LOX: variants seen among roughly 807,000 people sequenced by gnomAD.
LOX encodes the protein lysyl oxidase.
Under a neutral mutation model 50.5 loss-of-function variants are expected in LOX, and 12 were observed. That is an observed-to-expected ratio of 0.24 (90% CI 0.15 to 0.38). LOX has a LOEUF of 0.38. Ranked by LOEUF, LOX falls within the 10% of genes least tolerant of loss-of-function variation. The pLI, the probability that LOX is intolerant of heterozygous loss-of-function variation, is 1.00. For synonymous variants in LOX, 254 were observed against 230.6 expected (o/e 1.10, Z -0.92); for missense variants, 504 against 563.8 (o/e 0.89, Z 1.07).
intron 6 of LOX, 59 bp from the exon 7 acceptor site, chr5:122,066,808 C>T: frequency 9.5e-7 from 1 of 1,053,864 alleles, no homozygotes; most frequent in Non-Finnish European, 1.5e-6. Flanking sequence ...TGAATGAGTA[C>T]AACAGACAAA....
At position 122,070,489 on chromosome 5, in the gene LOX, T is replaced by C; in HGVS notation, c.1131+5A>G. ...AATATATGATATATTTTCAAAGGTC[T>C]TTACCTTTAGGATATAGTTTCCAGG... On this transcript the variant is annotated splice_donor_5th_base_variant and intron_variant, in intron 5 of 6. Coordinates refer to ENST00000231004, the MANE Select transcript of LOX (RefSeq NM_002317.7). The C allele has an allele frequency of 6.6e-7, 1 of 1,521,300 alleles. No individual in the cohort carries two copies. Among genetic ancestry groups the C allele is most frequent in the South Asian group, 1.1e-5 (1 of 87,236 alleles). 94.2% of individuals were successfully genotyped at this position (1,521,300 alleles called of 1,614,324 possible). A position where few individuals can be genotyped will look rare whatever the true frequency, so the allele number is the denominator to read the frequency against.
At chr5:122,066,801 A>G in intron 6 of LOX, 52 bp from the exon 7 acceptor site, 2 of 1,145,436 alleles carry the variant, frequency 1.7e-6, no homozygotes, top group Non-Finnish European at 2.6e-6. Flanking sequence ...AATATAATGA[A>G]TGAGTACAAC....
Position 122,063,904 on chromosome 5 carries a change from A to G in LOX, c.*2839T>C, listed in dbSNP as rs1057156395. On this transcript the variant is annotated 3_prime_UTR_variant, in exon 7 of 7. Coordinates refer to ENST00000231004, the MANE Select transcript of LOX (RefSeq NM_002317.7). ...TACTACAAATAATGCCTAGTGAGTA[A>G]TTGGATGATAGAAATTGTAAATAAA... 4 of 151,972 alleles carry G rather than the reference A, an allele frequency of 2.6e-5. No homozygotes were observed. Among genetic ancestry groups the G allele is most frequent in the Non-Finnish European group, 4.4e-5 (3 of 67,906 alleles). 9.4% of individuals were successfully genotyped at this position (151,972 alleles called of 1,614,324 possible). A position where few individuals can be genotyped will look rare whatever the true frequency, so the allele number is the denominator to read the frequency against.
At chr5:122,069,043 G>C (rs922907250) in intron 6 of LOX, among the ~76,000 whole-genome samples, 5 of 152,078 alleles carry the variant, frequency 3.3e-5, no homozygotes, top group African/African-American at 1.2e-4. Context: ...ATGTGACTCT[G>C]TTTTTTCAGT....
At position 122,077,641 on chromosome 5, in the gene LOX, GC is replaced by G. The variant is rs1561421357; in HGVS notation, c.344del (p.Gly115AlafsTer122). ...RTAGSSGVTAGRPRPTARHWF... is the reference protein window; with the variant it reads ...RTAGSSGVTAXRPRPTARHWF... ...AGTGACGGGCGGTGGGCCTGGGGCG[GC>G]CAGCGGTGACTCCAGATGAGCCGGC... On this transcript the variant is annotated frameshift_variant, in exon 1 of 7. Transcript: ENST00000231004. LOFTEE classifies it high-confidence loss of function. The surrounding 1 kb of genome is among the most constrained non-coding windows in gnomAD (Gnocchi z 4.9). 1 of 1,610,214 alleles carries G rather than the reference GC, an allele frequency of 6.2e-7. No individual in the cohort carries two copies. Among genetic ancestry groups the G allele is most frequent in the Non-Finnish European group, 8.5e-7 (1 of 1,179,264 alleles).
rs149966587 is a variant in LOX, at chr5:122,073,321, T to C, written c.1035+692A>G. On this transcript the variant is annotated intron_variant, in intron 4 of 6. Transcript: ENST00000231004. Reference sequence around the variant, plus strand: ...CAAACTGCTTAGTTCAGCACTACTTTAAAAAAATCCATCCAAACAACATCT... The same window carrying C: ...CAAACTGCTTAGTTCAGCACTACTTCAAAAAAATCCATCCAAACAACATCT... Among the ~76,000 whole-genome samples the C allele has an allele frequency of 1.2e-4, 19 of 152,312 alleles. No individual in the cohort carries two copies. The East Asian group carries it at 1.7e-3, about 14-fold the overall frequency.
rs566689604 is a variant in LOX at position 122,076,961 on chromosome 5, C to A, written c.672G>T (p.Ala224=). The change falls in exon 2 of 7, where the codon GCG becomes GCT. Residue 224 remains alanine, a synonymous_variant. Coordinates refer to ENST00000231004, the MANE Select transcript of LOX (RefSeq NM_002317.7). The stretch of plus-strand genomic sequence containing the variant: ...TGGACATCTTCTGCACGTACGTGGA[C>A]GCCTGGATGTAGTAGGGGTCGGCCA... ...DLVADPYYIQ[A]STYVQKMSMY... is the part of the protein sequence containing the mutation. 1.2e-6 allele frequency: 2 copies of A among 1,613,824 alleles called. No individual in the cohort carries two copies. The highest frequency in any genetic ancestry group is 4.5e-5 in the East Asian group (2 of 44,852).
rs533510800 is a variant in LOX at position 122,077,645 on chromosome 5, G to T, written c.341C>A (p.Ala114Asp). The change falls in exon 1 of 7, where the codon GCT (alanine) becomes GAT (aspartate). Residue 114 changes from alanine (A) to aspartate (D), a missense_variant. Transcript: ENST00000231004. The surrounding 1 kb of genome is among the most constrained non-coding windows in gnomAD (Gnocchi z 4.9). ...ACGGGCGGTGGGCCTGGGGCGGCCA[G>T]CGGTGACTCCAGATGAGCCGGCCGT... The part of the protein sequence containing the change: ...TRTAGSSGVT[A>D]GRPRPTARHW... 3.4e-5 allele frequency: 55 copies of T among 1,610,164 alleles called. No individual in the cohort carries two copies. The South Asian group carries it at 6.0e-4, about 18-fold the overall frequency.
chr5:122,070,258 G>A, intron 5 of LOX, 90 bp from the exon 6 acceptor site: 1 of 794,000 alleles, frequency 1.3e-6, no homozygotes. Context: ...AATCAAGCAG[G>A]GAAGGGATTT....
chr5:122,075,544 G>A lies in LOX; in HGVS notation c.741-3C>T, dbSNP rs760721381. The A allele has an allele frequency of 6.4e-6, 10 of 1,561,244 alleles. No individual in the cohort carries two copies. Among genetic ancestry groups the A allele is most frequent in the African/African-American group, 1.4e-5 (1 of 72,182 alleles). ...TGACATCTGCCCTGTATGCTGTACT[G>A]TGATTTTGAAAAAAGAAAAATTATT... On this transcript the variant is annotated splice_region_variant and splice_polypyrimidine_tract_variant and intron_variant, in intron 2 of 6. Transcript: ENST00000231004.
rs1191766142 is a variant in LOX, at chr5:122,064,335, A to G, written c.*2408T>C. 1.3e-5 allele frequency: 2 copies of G among 151,936 alleles called. No homozygotes were observed. Among genetic ancestry groups the G allele is most frequent in the Admixed American group, 1.3e-4 (2 of 15,218 alleles). 9.4% of individuals were successfully genotyped at this position (151,936 alleles called of 1,614,324 possible). ...CAAAATAGTTCAAAGAAGTTCAGTA[A>G]TACAGAGTGTTAAATCAGTACTTGT... On this transcript the variant is annotated 3_prime_UTR_variant, in exon 7 of 7. Transcript: ENST00000231004.
Position 122,066,574 on chromosome 5 carries a change from T to C in LOX, c.*169A>G, listed in dbSNP as rs1754304509. 1 of 522,798 alleles carries C rather than the reference T, an allele frequency of 1.9e-6. No individual in the cohort carries two copies. The highest frequency in any genetic ancestry group is 3.5e-6 in the Non-Finnish European group (1 of 284,998). The allele number at this position is 522,798 out of a possible 1,614,324, so 32.4% of individuals were successfully genotyped here. ...TTCCCAAGTAATGATGACTTAAGCG[T>C]TCAAAATCCAGTTATGTGCTTTGTT... On this transcript the variant is annotated 3_prime_UTR_variant, in exon 7 of 7. Transcript: ENST00000231004.
rs1479860763 is a variant in LOX, at chr5:122,065,491, T to A, written c.*1252A>T. ...CATGGTTTCACAGTTTCAAATGAAA[T>A]CACAGCTGTCTCATTACGCAGCACA... On this transcript the variant is annotated 3_prime_UTR_variant, in exon 7 of 7. Coordinates refer to ENST00000231004, the MANE Select transcript of LOX (RefSeq NM_002317.7). The A allele has an allele frequency of 6.6e-6, 1 of 152,038 alleles. No individual in the cohort carries two copies. Among genetic ancestry groups the A allele is most frequent in the African/African-American group, 2.4e-5 (1 of 41,422 alleles). The allele number at this position is 152,038 out of a possible 1,614,324, so 9.4% of individuals were successfully genotyped here.
rs1754661809 is a variant in LOX, at chr5:122,077,139, C to A, written c.632-138G>T. The A allele has an allele frequency of 2.0e-6, 3 of 1,473,994 alleles. No homozygotes were observed. Among genetic ancestry groups the A allele is most frequent in the African/African-American group, 1.4e-5 (1 of 71,118 alleles). The allele number at this position is 1,473,994 out of a possible 1,614,324, so 91.3% of individuals were successfully genotyped here. A position where few individuals can be genotyped will look rare whatever the true frequency, so the allele number is the denominator to read the frequency against. ...AGTGGAGCGGAGGACAGCAAGAGAA[C>A]TGGGGACGCCCGGGACTGCAAAGCA... On this transcript the variant is annotated intron_variant, in intron 1 of 6. Transcript: ENST00000231004. The surrounding 1 kb of genome is among the most constrained non-coding windows in gnomAD (Gnocchi z 4.9).
intron 6 of LOX, among the ~76,000 whole-genome samples, chr5:122,068,102 T>A (rs1264137043): frequency 6.6e-6 from 1 of 151,090 alleles, no homozygotes; most frequent in Non-Finnish European, 1.5e-5. Context: ...CATATTTTCA[T>A]CTGGTTTATA....
chr5:122,073,445 G>T (rs1389596341), intron 4 of LOX, among the ~76,000 whole-genome samples: 1 of 152,168 alleles, frequency 6.6e-6, no homozygotes, highest in African/African-American at 2.4e-5. Context: ...ACTTTTTAAA[G>T]TGCTTTTAAA....
Position 122,078,162 on chromosome 5 carries a change from A to G in LOX, c.-177T>C. 1 of 524,846 alleles carries G rather than the reference A, an allele frequency of 1.9e-6. No homozygotes were observed. Among genetic ancestry groups the G allele is most frequent in the Non-Finnish European group, 3.0e-6 (1 of 328,048 alleles). The allele number at this position is 524,846 out of a possible 1,614,324, so 32.5% of individuals were successfully genotyped here. A position where few individuals can be genotyped will look rare whatever the true frequency, so the allele number is the denominator to read the frequency against. The stretch of plus-strand genomic sequence containing the variant: ...TGGGATTCAGACCCTTCCCCAGTCA[A>G]GGCGGCTGCTCGGACGTGGCACCCT... On this transcript the variant is annotated 5_prime_UTR_variant, in exon 1 of 7. Coordinates refer to ENST00000231004, the MANE Select transcript of LOX (RefSeq NM_002317.7).
Position 122,066,702 on chromosome 5 carries a change from A to T in LOX, c.*41T>A, listed in dbSNP as rs759600785. On this transcript the variant is annotated 3_prime_UTR_variant, in exon 7 of 7. Coordinates refer to ENST00000231004, the MANE Select transcript of LOX (RefSeq NM_002317.7). The stretch of plus-strand genomic sequence containing the variant: ...AGTCTATTTTTTCCCACTTCAGAAC[A>T]CCAGGCACTGATTTATCCATTGGGA... 41 of 1,571,366 alleles carry T rather than the reference A, an allele frequency of 2.6e-5. No homozygotes were observed. Among genetic ancestry groups the T allele is most frequent in the South Asian group, 6.7e-5 (6 of 89,874 alleles).
chr5:122,076,791 C>T (rs1375756642), intron 2 of LOX, 102 bp downstream of exon 2: 6 of 983,292 alleles, frequency 6.1e-6, no homozygotes, highest in African/African-American at 4.7e-5. Context: ...TGTCCCACTT[C>T]CTAACACTTG....
Sources: allele counts gnomAD v4.1 joint callset (sites outside exome capture counted in the v4.1 genomes callset), GRCh38; gene constraint gnomAD v4.1.1; non-coding constraint Gnocchi (gnomAD v3.1); transcripts MANE v1.5; gene names NCBI Gene and HGNC (gene_info 2026-07-23, HGNC 2026-07-21).